The following RBFOX1 variants were observed in gnomAD, a reference collection of about 807,000 sequenced individuals.
RBFOX1 encodes the protein RNA binding fox-1 homolog 1, also known as RNA binding protein fox-1 homolog 1.
In RBFOX1, 8 loss-of-function variants were observed where a neutral mutation model predicts 57.7. The ratio of observed to expected loss-of-function variants is 0.14; its 90% confidence interval spans 0.08 to 0.25. RBFOX1 has a LOEUF of 0.25. Ranked by LOEUF, RBFOX1 falls within the 10% of genes least tolerant of loss-of-function variation. RBFOX1 has a pLI of 1.00. For missense variants in RBFOX1, 611 were observed against 548.5 expected, an observed-to-expected ratio of 1.11 and a Z score of -1.14; for synonymous variants, 326 against 222.4, an observed-to-expected ratio of 1.47 and a Z score of -4.15.
At chr16:6,794,256 T>A (rs1303508518) in intron 3 of RBFOX1, among the ~76,000 whole-genome samples, 1 of 150,934 alleles carries the variant, frequency 6.6e-6, no homozygotes, top group South Asian at 2.1e-4. Flanking sequence ...TTGCTCCATG[T>A]TGTGTGTTGT....
At chr16:6,127,284 TAA>T (rs1277656888) in intron 1 of RBFOX1, among the ~76,000 whole-genome samples, 10 of 145,830 alleles carry the variant, frequency 6.9e-5, no homozygotes, top group South Asian at 2.2e-4. Context: ...TCTCTTTTTT[TAA>T]AAAAAAAAAA....
At chr16:7,126,489 C>G (rs979902146) in intron 4 of RBFOX1, 1 of 229,838 alleles carries the variant, frequency 4.4e-6, no homozygotes, top group African/African-American at 2.3e-5. Context: ...AGAAACATCC[C>G]TGACTGCTGT....
chr16:5,751,881 C>T (rs2053219974), intron 3 of RBFOX1, among the ~76,000 whole-genome samples: 2 of 152,124 alleles, frequency 1.3e-5, no homozygotes, highest in Non-Finnish European at 2.9e-5. Flanking sequence ...CCCCAAAGAC[C>T]TAAAAACAGA....
chr16:6,027,855 A>T (rs1282607817), intron 1 of RBFOX1, among the ~76,000 whole-genome samples: 1 of 152,176 alleles, frequency 6.6e-6, no homozygotes, highest in African/African-American at 2.4e-5. Flanking sequence ...GTAGCTGCAA[A>T]TGTACGGTTG....
intron 4 of RBFOX1, among the ~76,000 whole-genome samples, chr16:7,068,040 C>G (rs536380693): frequency 6.7e-6 from 1 of 148,664 alleles, no homozygotes; most frequent in Admixed American, 6.8e-5. Context: ...TGGTTTGACT[C>G]TCTCGTGCCT....
At chr16:7,693,962 C>T (rs780571866) in intron 14 of RBFOX1, among the ~76,000 whole-genome samples, 6 of 152,116 alleles carry the variant, frequency 3.9e-5, no homozygotes, top group Non-Finnish European at 7.4e-5. Context: ...GTTTTGAAAC[C>T]AGGACATTGG....
At chr16:6,306,933 G>C (rs2079576835) in intron 1 of RBFOX1, among the ~76,000 whole-genome samples, 5 of 152,142 alleles carry the variant, frequency 3.3e-5, no homozygotes, top group Admixed American at 3.3e-4. Context: ...TAGCTACTTT[G>C]TGAACTTGGT....
intron 2 of RBFOX1, among the ~76,000 whole-genome samples, chr16:6,420,720 A>G (rs908650929): frequency 6.6e-6 from 1 of 152,202 alleles, no homozygotes; most frequent in Non-Finnish European, 1.5e-5. Context: ...ATTCACTTGT[A>G]CAATTGACAG....
chr16:5,688,760 T>C (rs1002455836), intron 3 of RBFOX1, among the ~76,000 whole-genome samples: 7 of 152,212 alleles, frequency 4.6e-5, no homozygotes, highest in African/African-American at 1.7e-4. Context: ...GGAGAATTTA[T>C]TGGAGAAATG....
At chr16:7,351,280 GA>G (rs1443949403) in intron 4 of RBFOX1, among the ~76,000 whole-genome samples, 1 of 152,206 alleles carries the variant, frequency 6.6e-6, no homozygotes, top group Non-Finnish European at 1.5e-5. Flanking sequence ...AAAATAGAGG[GA>G]AACTTTTCTA....
chr16:6,476,230 C>T (rs549212305), intron 2 of RBFOX1, among the ~76,000 whole-genome samples: 34 of 152,238 alleles, frequency 2.2e-4, no homozygotes, highest in African/African-American at 8.2e-4. Flanking sequence ...CTAGCAAATA[C>T]TACCCATTTT....
intron 3 of RBFOX1, among the ~76,000 whole-genome samples, chr16:5,827,549 C>T (rs1799264480): frequency 6.6e-6 from 1 of 152,004 alleles, no homozygotes; most frequent in African/African-American, 2.4e-5. Context: ...TGACAAGGGC[C>T]AGGTAGTAAC....
At chr16:6,492,283 A>G (rs908451517) in intron 2 of RBFOX1, among the ~76,000 whole-genome samples, 12 of 152,196 alleles carry the variant, frequency 7.9e-5, no homozygotes, top group African/African-American at 2.7e-4. Flanking sequence ...TTATTTTGAA[A>G]AAGTAGGCTG....
At chr16:7,682,150 C>G (rs74447164) in intron 14 of RBFOX1, among the ~76,000 whole-genome samples, 1,552 of 152,254 alleles carry the variant, frequency 0.01, 10 homozygotes, top group Non-Finnish European at 0.018. Flanking sequence ...AGAACAATAG[C>G]AAACGGTAGT....
intron 2 of RBFOX1, among the ~76,000 whole-genome samples, chr16:5,539,004 G>T (rs976601997): frequency 6.6e-6 from 1 of 152,198 alleles, no homozygotes; most frequent in Non-Finnish European, 1.5e-5. Flanking sequence ...ACACAAGGAT[G>T]GCTTTAGGAG....
chr16:6,837,821 C>T (rs902378379), intron 3 of RBFOX1, among the ~76,000 whole-genome samples: 1 of 152,084 alleles, frequency 6.6e-6, no homozygotes, highest in South Asian at 2.1e-4. Context: ...TGAGGTAGCA[C>T]TTGGGACTCC....
At chr16:5,278,595 A>T (rs1292028236) in intron 1 of RBFOX1, among the ~76,000 whole-genome samples, 1 of 152,212 alleles carries the variant, frequency 6.6e-6, no homozygotes, top group African/African-American at 2.4e-5. Flanking sequence ...TGATATGCAG[A>T]AGGTATTTAG....
intron 4 of RBFOX1, among the ~76,000 whole-genome samples, chr16:7,482,278 C>T (rs1467120851): frequency 6.6e-6 from 1 of 152,216 alleles, no homozygotes; most frequent in Non-Finnish European, 1.5e-5. Flanking sequence ...CTCATTAATT[C>T]TATCTTCGCA....
At chr16:6,998,464 G>T (rs1318418185) in intron 3 of RBFOX1, among the ~76,000 whole-genome samples, 1 of 152,208 alleles carries the variant, frequency 6.6e-6, no homozygotes, top group Non-Finnish European at 1.5e-5. Context: ...GTTAGACAAG[G>T]TTTTAGGGAA....
Sources: allele counts gnomAD v4.1 joint callset (sites outside exome capture counted in the v4.1 genomes callset), GRCh38; gene constraint gnomAD v4.1.1; transcripts MANE v1.5; gene names NCBI Gene and HGNC (gene_info 2026-07-23, HGNC 2026-07-21).